C1orf185: variants seen among roughly 807,000 people sequenced by gnomAD.
C1orf185 encodes chromosome 1 open reading frame 185.
In C1orf185, 13 loss-of-function variants were observed where a neutral mutation model predicts 16.1. The ratio of observed to expected loss-of-function variants is 0.81; its 90% CI spans 0.53 to 1.28. The LOEUF is 1.28. Ranked by LOEUF, C1orf185 falls within the 50% of genes most tolerant of loss-of-function variation. The probability of loss-of-function intolerance (pLI) is 0.00; values close to 1 mark genes in which losing one functional copy is unlikely to be tolerated. For missense variants in C1orf185, 220 were observed against 225.2 expected (o/e 0.98, Z 0.15); for synonymous variants, 80 against 76.9 (o/e 1.04, Z -0.21).
chr1:51,105,374 T>C (rs1478373234), intron 1 of C1orf185, among the ~76,000 whole-genome samples: 1 of 152,186 alleles, frequency 6.6e-6, no homozygotes, highest in African/African-American at 2.4e-5. Flanking sequence ...TCTCCTATCT[T>C]TCTATAGATC....
chr1:51,125,838 G>A (rs1646235926), intron 3 of C1orf185, among the ~76,000 whole-genome samples: 1 of 152,118 alleles, frequency 6.6e-6, no homozygotes, highest in African/African-American at 2.4e-5. Context: ...GGAGGTGCCA[G>A]GTCATTGGGT....
At chr1:51,146,934 T>G (rs1024508357) in intron 4 of C1orf185, among the ~76,000 whole-genome samples, 1 of 152,168 alleles carries the variant, frequency 6.6e-6, no homozygotes, top group Admixed American at 6.5e-5. Flanking sequence ...CTTTTCTTTT[T>G]TGATGTTTAG....
At chr1:51,112,282 A>G (rs886292121) in intron 1 of C1orf185, among the ~76,000 whole-genome samples, 182 bp from the exon 2 acceptor site, 3 of 152,214 alleles carry the variant, frequency 2.0e-5, no homozygotes, top group African/African-American at 7.2e-5. Flanking sequence ...GCCCTGTGTA[A>G]TTCTCTAATC....
intron 3 of C1orf185, among the ~76,000 whole-genome samples, chr1:51,133,829 G>C (rs1646303247): frequency 6.6e-6 from 1 of 152,224 alleles, no homozygotes; most frequent in Admixed American, 6.5e-5. Flanking sequence ...GCTGGGCACA[G>C]TTGCTCATGC....
intron 1 of C1orf185, among the ~76,000 whole-genome samples, chr1:51,103,810 C>T (rs1053559791): frequency 6.6e-6 from 1 of 152,058 alleles, no homozygotes; most frequent in African/African-American, 2.4e-5. Flanking sequence ...GCTGGGATTA[C>T]AGGCATGAGC....
At chr1:51,103,805 G>T (rs936142613) in intron 1 of C1orf185, among the ~76,000 whole-genome samples, 1 of 151,914 alleles carries the variant, frequency 6.6e-6, no homozygotes, top group Non-Finnish European at 1.5e-5. Context: ...AAACTGCTGG[G>T]ATTACAGGCA....
At chr1:51,141,265 G>A (rs1222723231) in intron 3 of C1orf185, among the ~76,000 whole-genome samples, 1 of 152,186 alleles carries the variant, frequency 6.6e-6, no homozygotes, top group East Asian at 1.9e-4. Flanking sequence ...CAAGACAGCA[G>A]GATCACTTGA....
intron 1 of C1orf185, among the ~76,000 whole-genome samples, chr1:51,108,298 T>C (rs1033495521): frequency 1.3e-5 from 2 of 151,952 alleles, no homozygotes; most frequent in Non-Finnish European, 2.9e-5. Context: ...AAATTTTTGG[T>C]TTTTTTTAAT....
At chr1:51,141,837 T>A (rs568633604) in intron 3 of C1orf185, among the ~76,000 whole-genome samples, 2 of 152,186 alleles carry the variant, frequency 1.3e-5, no homozygotes, top group South Asian at 4.2e-4. Context: ...ATATATATAA[T>A]TTTTTTTCTG....
intron 2 of C1orf185, among the ~76,000 whole-genome samples, chr1:51,114,562 A>C (rs1465789343): frequency 6.6e-6 from 1 of 152,124 alleles, no homozygotes; most frequent in African/African-American, 2.4e-5. Context: ...GTCTCTATTA[A>C]AAACACAAAA....
intron 1 of C1orf185, among the ~76,000 whole-genome samples, chr1:51,108,570 T>G (rs1646090521): frequency 1.3e-5 from 2 of 152,194 alleles, no homozygotes; most frequent in South Asian, 4.1e-4. Flanking sequence ...CAACTTCTCA[T>G]CATCCTCCCT....
chr1:51,104,969 C>CA (rs1646058245), intron 1 of C1orf185, among the ~76,000 whole-genome samples: 2 of 151,250 alleles, frequency 1.3e-5, no homozygotes, highest in South Asian at 4.2e-4. Flanking sequence ...TTTTCTTCTC[C>CA]ATTTTTTTTT....
At chr1:51,112,859 G>A (rs1034388119) in intron 2 of C1orf185, among the ~76,000 whole-genome samples, 15 of 148,862 alleles carry the variant, frequency 1.0e-4, no homozygotes, top group African/African-American at 7.5e-5. Flanking sequence ...TTGCTCTGTC[G>A]CCCAGGCTGG....
At chr1:51,107,216 A>T (rs1646079595) in intron 1 of C1orf185, 1 of 152,300 alleles carries the variant, frequency 6.6e-6, no homozygotes, top group Non-Finnish European at 1.5e-5. Flanking sequence ...CCGCCACTCC[A>T]TAAAAGGCTG....
chr1:51,151,333 G>A (rs1172212256), downstream of C1orf185, among the ~76,000 whole-genome samples: 3 of 152,072 alleles, frequency 2.0e-5, no homozygotes, highest in African/African-American at 7.2e-5. Flanking sequence ...ATTTATTATT[G>A]GAATTATTAT....
At chr1:51,110,435 G>A (rs759282342) in intron 1 of C1orf185, among the ~76,000 whole-genome samples, 3 of 152,070 alleles carry the variant, frequency 2.0e-5, no homozygotes, top group Non-Finnish European at 4.4e-5. Context: ...ATTCCTGAAT[G>A]TAGACATTTC....
intron 1 of C1orf185, among the ~76,000 whole-genome samples, chr1:51,108,822 G>A (rs1646092308): frequency 6.6e-6 from 1 of 152,046 alleles, no homozygotes; most frequent in Non-Finnish European, 1.5e-5. Flanking sequence ...ATTTATTGAT[G>A]GACACCTAGA....
rs1463036809 is a variant in C1orf185, at chr1:51,145,705, A to G, written c.259-19A>G. On this transcript the variant is annotated intron_variant, in intron 3 of 4. Coordinates refer to ENST00000371759, the MANE Select transcript of C1orf185 (RefSeq NM_001136508.2). ...AAATTATTCTGATTTTAAAACACAA[A>G]TAACTTTTTTTAATGTAGGAGGAGC... The G allele has an allele frequency of 7.1e-6, 9 of 1,267,426 alleles. No homozygotes were observed. Among genetic ancestry groups the G allele is most frequent in the Admixed American group, 2.9e-5 (1 of 34,808 alleles). The allele number at this position is 1,267,426 out of a possible 1,614,324, so 78.5% of individuals were successfully genotyped here.
intron 3 of C1orf185, among the ~76,000 whole-genome samples, chr1:51,130,995 C>G (rs914799925): frequency 6.6e-6 from 1 of 152,146 alleles, no homozygotes; most frequent in South Asian, 2.1e-4. Context: ...CTCCACCTCC[C>G]AGGTTCAAGC....
Sources: gnomAD v4.1 joint callset for allele counts (sites outside exome capture counted in the v4.1 genomes callset) on GRCh38, gnomAD v4.1.1 for gene constraint, MANE v1.5 for transcripts, NCBI Gene and HGNC (gene_info 2026-07-23, HGNC 2026-07-21) for gene names.